PRG4: variants seen among roughly 807,000 people sequenced by gnomAD.
The protein encoded by PRG4 is articular superficial zone protein.
PRG4 carries 61 observed loss-of-function variants against 91.2 expected under a neutral mutation model. That is an observed-to-expected ratio of 0.67 (90% CI 0.54 to 0.83). PRG4 has a LOEUF of 0.83. Ranked by LOEUF, PRG4 falls within the 40% of genes least tolerant of loss-of-function variation. PRG4 has a pLI of 0.00. For missense variants in PRG4, 1,564 were observed against 1,714.2 expected, an observed-to-expected ratio of 0.91 and a Z score of 1.55; for synonymous variants, 576 against 614.2, an observed-to-expected ratio of 0.94 and a Z score of 0.92.
rs150542495 is a variant in PRG4 at position 186,310,769 on chromosome 1, T to A, written c.3500-265T>A. Among the ~76,000 whole-genome samples the A allele has an allele frequency of 4.0e-3, 607 of 151,744 alleles. 10 individuals are homozygous for A. The highest frequency in any genetic ancestry group is 0.014 in the African/African-American group (591 of 41,304). ...TACCCGCCTTAACCTCCCAAAGTGC[T>A]GGATTACAGGTGTGAGCCACTGCAC... is the stretch of plus-strand genomic sequence containing the variant. On this transcript the variant is annotated intron_variant, in intron 8 of 12. Transcript: ENST00000445192.
At position 186,308,180 on chromosome 1, in the gene PRG4, A is replaced by G; in HGVS notation, c.2461A>G (p.Thr821Ala). Residue 821 changes from threonine to alanine, a missense_variant, in exon 7 of 13, where the codon ACT (threonine) becomes GCT (alanine). Coordinates refer to ENST00000445192, the MANE Select transcript of PRG4 (RefSeq NM_005807.6). ...CACCACCTCTGACAAGCCTGCTCCA[A>G]CTACACCTAAGGAGACTGCTCCAAC... ...TSTTSDKPAP[T>A]TPKETAPTTP... 1 of 1,609,804 alleles carries G rather than the reference A, an allele frequency of 6.2e-7. No individual in the cohort carries two copies. The highest frequency in any genetic ancestry group is 1.7e-5 in the Admixed American group (1 of 59,370).
rs760696470 is a variant in PRG4, at chr1:186,309,868, G to A, written c.3497G>A (p.Arg1166Gln). 15 of 1,611,824 alleles carry A rather than the reference G, an allele frequency of 9.3e-6. No individual in the cohort carries two copies. The highest frequency in any genetic ancestry group is 5.5e-5 in the South Asian group (5 of 91,028). Residue 1166 changes from arginine to glutamine, a missense_variant and splice_region_variant, in exon 8 of 13, where the codon CGA becomes CAA. By Grantham distance (43) the Arg-to-Gln change is conservative. Transcript: ENST00000445192. ...CGCAATGGGACATTAGTTGCATTCC[G>A]AGGTGAGCTATGTACACATTTATTT... is the stretch of plus-strand genomic sequence containing the variant. ...TLRNGTLVAF[R>Q]GHYFWMLSPF...
intron 8 of PRG4, among the ~76,000 whole-genome samples, chr1:186,310,127 AT>A (rs542991952): frequency 0.21 from 12,564 of 59,602 alleles, 831 homozygotes; most frequent in South Asian, 0.32. Flanking sequence ...AAAGTAGTTC[AT>A]TTTTTTTGGG....
rs1656559722 is a variant in PRG4, at chr1:186,306,368, C to T, written c.649C>T (p.Pro217Ser). The T allele has an allele frequency of 1.2e-6, 2 of 1,611,416 alleles. No homozygotes were observed. The highest frequency in any genetic ancestry group is 2.2e-5 in the East Asian group (1 of 44,862). Residue 217 changes from proline (P) to serine (S), a missense_variant, in exon 7 of 13, where the codon CCA (proline) becomes TCA (serine). Coordinates refer to ENST00000445192, the MANE Select transcript of PRG4 (RefSeq NM_005807.6). ...TAAAAAGAAACCTACCCCCAAACCA[C>T]CAGTTGTAGATGAAGCTGGAAGTGG... The part of the protein sequence containing the change: ...RTKKKPTPKP[P>S]VVDEAGSGLD...
intron 4 of PRG4, 24 bp from the exon 5 acceptor site, chr1:186,304,084 C>T: frequency 1.9e-6 from 3 of 1,612,750 alleles, no homozygotes; most frequent in Non-Finnish European, 2.5e-6. Flanking sequence ...AAGATGTTAA[C>T]TGACTTGTCT....
intron 2 of PRG4, among the ~76,000 whole-genome samples, chr1:186,298,002 T>C (rs192168432): frequency 1.3e-5 from 2 of 152,378 alleles, no homozygotes; most frequent in Admixed American, 1.3e-4. Context: ...GGGCACTTTC[T>C]AAACTGCCTT....
intron 4 of PRG4, among the ~76,000 whole-genome samples, chr1:186,302,666 G>T (rs552468298): frequency 6.6e-6 from 1 of 152,288 alleles, no homozygotes; most frequent in South Asian, 2.1e-4. Context: ...TTCCAAAAAT[G>T]ATGAAGACAA....
chr1:186,300,190 A>G lies in PRG4; in HGVS notation c.176A>G (p.Asp59Gly). Residue 59 changes from aspartate (D) to glycine (G), a missense_variant, in exon 3 of 13, where the codon GAT (aspartate) becomes GGT (glycine). This residue lies in a region of PRG4 where 437 missense variants were observed against 459.0 expected (regional missense o/e 0.95). Coordinates refer to ENST00000445192, the MANE Select transcript of PRG4 (RefSeq NM_005807.6). ...NCQHYMECCPDFKRVCTAELS... is the reference protein window; with the variant it reads ...NCQHYMECCPGFKRVCTAELS... ...CAACACTACATGGAGTGCTGCCCTG[A>G]TTTCAAGAGAGTCTGCACTGCGGGT... The G allele has an allele frequency of 6.2e-7, 1 of 1,614,150 alleles. No homozygotes were observed. Among genetic ancestry groups the G allele is most frequent in the Non-Finnish European group, 8.5e-7 (1 of 1,180,032 alleles).
intron 12 of PRG4, 80 bp from the exon 13 acceptor site, chr1:186,313,601 C>A: frequency 1.2e-6 from 1 of 832,080 alleles, no homozygotes. Flanking sequence ...TGTCTTTGAG[C>A]ATAATAGTCA....
Position 186,296,903 on chromosome 1 carries a change from C to CTGT in PRG4, c.34_36dup (p.Leu14dup), listed in dbSNP as rs1174890028. 3 of 1,613,970 alleles carry CTGT rather than the reference C, an allele frequency of 1.9e-6. No homozygotes were observed. On this transcript the variant is annotated inframe_insertion, in exon 2 of 13. Coordinates refer to ENST00000445192, the MANE Select transcript of PRG4 (RefSeq NM_005807.6). The stretch of plus-strand genomic sequence containing the variant: ...GGCATGGAAAACACTTCCCATTTAC[C>CTGT]TGTTGTTGCTGCTGTCTGTTTTCGT...
intron 10 of PRG4, chr1:186,311,947 A>C: frequency 3.6e-6 from 2 of 549,384 alleles, no homozygotes; most frequent in Non-Finnish European, 6.4e-6. Flanking sequence ...TTCAATTGAA[A>C]TTAAATATAT....
At position 186,312,093 on chromosome 1, in the gene PRG4, C is replaced by T. The variant is rs1262037860; in HGVS notation, c.3794-82C>T. 10 of 1,167,970 alleles carry T rather than the reference C, an allele frequency of 8.6e-6. No individual in the cohort carries two copies. In the East Asian group the frequency reaches 1.7e-4, roughly 20 times the overall value. 72.4% of individuals were successfully genotyped at this position (1,167,970 alleles called of 1,614,324 possible). On this transcript the variant is annotated intron_variant, in intron 10 of 12. Transcript: ENST00000445192. ...AATGAGAACAAAACTGTTTCCTATA[C>T]ATTGTAAAAGTTGTTTTCCACCTTT...
intron 11 of PRG4, 39 bp downstream of exon 11, chr1:186,312,411 A>T: frequency 6.5e-7 from 1 of 1,538,502 alleles, no homozygotes; most frequent in South Asian, 1.2e-5. Flanking sequence ...CTTAAACATA[A>T]GTAGATGTAA....
chr1:186,299,414 A>G (rs1656057857), intron 2 of PRG4, among the ~76,000 whole-genome samples: 1 of 152,076 alleles, frequency 6.6e-6, no homozygotes, highest in African/African-American at 2.4e-5. Flanking sequence ...ATCCTCAGGA[A>G]TGGGAGGCAA....
At chr1:186,300,646 T>C (rs1656152109) in intron 3 of PRG4, among the ~76,000 whole-genome samples, 1 of 152,226 alleles carries the variant, frequency 6.6e-6, no homozygotes, top group African/African-American at 2.4e-5. Flanking sequence ...CATGGAATAA[T>C]CTTGTCTACC....
intron 6 of PRG4, among the ~76,000 whole-genome samples, chr1:186,305,724 C>T (rs1656511650): frequency 6.6e-6 from 1 of 152,148 alleles, no homozygotes; most frequent in South Asian, 2.1e-4. Context: ...ATGGGAAAGC[C>T]TTGATAAATA....
Position 186,312,564 on chromosome 1 carries a change from T to G in PRG4, c.3991+192T>G, listed in dbSNP as rs7756. The G allele has an allele frequency of 0.64, 503,961 of 787,338 alleles. 162,257 individuals are homozygous for G. The highest frequency in any genetic ancestry group is 0.67 in the East Asian group (24,941 of 37,380). The allele number at this position is 787,338 out of a possible 1,614,324, so 48.8% of individuals were successfully genotyped here. A position where few individuals can be genotyped will look rare whatever the true frequency, so the allele number is the denominator to read the frequency against. ...TACTTTCTTTTTCCTTGTGGGTAAG[T>G]AAAGCAGTTTGTTCAGGTTTGTTAG... On this transcript the variant is annotated intron_variant, in intron 11 of 12. Coordinates refer to ENST00000445192, the MANE Select transcript of PRG4 (RefSeq NM_005807.6).
At chr1:186,312,690 A>G in intron 11 of PRG4, 79 bp from the exon 12 acceptor site, 1 of 1,473,072 alleles carries the variant, frequency 6.8e-7, no homozygotes, top group Non-Finnish European at 9.5e-7. Context: ...ACTGAGATTA[A>G]AACTCAGATG....
At chr1:186,296,442 GAGAATT>G (rs1655867550) in intron 1 of PRG4, 149 bp downstream of exon 1, 1 of 162,798 alleles carries the variant, frequency 6.1e-6, no homozygotes, top group South Asian at 1.7e-4. Flanking sequence ...AATTTATATT[GAGAATT>G]AAGAAAAAGT....
Sources: gnomAD v4.1 joint callset for allele counts (sites outside exome capture counted in the v4.1 genomes callset) on GRCh38, gnomAD v4.1.1 for gene constraint, gnomAD v4.1.1 regional missense constraint, MANE v1.5 for transcripts, NCBI Gene and HGNC (gene_info 2026-07-23, HGNC 2026-07-21) for gene names.